Variants in FAF1 observed in about 807,000 individuals in gnomAD.
The protein encoded by FAF1 is Fas associated factor 1.
FAF1 carries 25 observed loss-of-function variants against 92.5 expected under a neutral mutation model. That is an observed-to-expected ratio of 0.27 (90% CI 0.20 to 0.38). The LOEUF is 0.38. Ranked by LOEUF, FAF1 falls within the 10% of genes least tolerant of loss-of-function variation. The pLI, the probability that FAF1 is intolerant of heterozygous loss-of-function variation, is 1.00. For synonymous variants in FAF1, 234 were observed against 273.2 expected (o/e 0.86, Z 1.42); for missense variants, 636 against 793.3 (o/e 0.80, Z 2.38).
chr1:50,587,046 A>T (rs991073951), intron 9 of FAF1, among the ~76,000 whole-genome samples: 1 of 152,176 alleles, frequency 6.6e-6, no homozygotes, highest in Non-Finnish European at 1.5e-5. Context: ...CCTTTGAGGC[A>T]TCAGGTTAAG....
At chr1:50,662,644 A>G (rs1229547768) in intron 7 of FAF1, among the ~76,000 whole-genome samples, 3 of 150,604 alleles carry the variant, frequency 2.0e-5, no homozygotes, top group African/African-American at 7.3e-5. Context: ...ATTTAAAGTA[A>G]CAACTAATAA....
intron 1 of FAF1, among the ~76,000 whole-genome samples, chr1:50,894,837 G>A (rs1366534299): frequency 6.6e-6 from 1 of 152,100 alleles, no homozygotes; most frequent in Non-Finnish European, 1.5e-5. Context: ...TAAAAACACA[G>A]CATGCCATGC....
chr1:50,832,422 G>C (rs1644162761), intron 2 of FAF1, among the ~76,000 whole-genome samples: 1 of 152,172 alleles, frequency 6.6e-6, no homozygotes, highest in Non-Finnish European at 1.5e-5. Context: ...CTTTGATAAA[G>C]AAAGATTTCT....
At chr1:50,740,596 T>G (rs1366822421) in intron 5 of FAF1, among the ~76,000 whole-genome samples, 1 of 152,190 alleles carries the variant, frequency 6.6e-6, no homozygotes, top group African/African-American at 2.4e-5. Flanking sequence ...TTTTTTCATT[T>G]CTTTCTTCTT....
chr1:50,498,935 A>C (rs983636974), intron 15 of FAF1, among the ~76,000 whole-genome samples: 69 of 152,208 alleles, frequency 4.5e-4, no homozygotes, highest in African/African-American at 1.7e-3. Flanking sequence ...AGGCATGTTC[A>C]TAGTAGCATT....
intron 2 of FAF1, among the ~76,000 whole-genome samples, chr1:50,848,427 A>G (rs1283228183): frequency 3.3e-5 from 5 of 152,266 alleles, no homozygotes; most frequent in Non-Finnish European, 5.9e-5. Context: ...ACTACTAAAA[A>G]TAATTTTAAG....
chr1:50,522,593 T>C (rs1273894803), intron 15 of FAF1, among the ~76,000 whole-genome samples: 1 of 152,192 alleles, frequency 6.6e-6, no homozygotes, highest in African/African-American at 2.4e-5. Flanking sequence ...TTAAAGTTCA[T>C]GAAGGCAGAG....
intron 2 of FAF1, among the ~76,000 whole-genome samples, chr1:50,838,702 T>C (rs1356136388): frequency 6.6e-6 from 1 of 151,940 alleles, no homozygotes; most frequent in African/African-American, 2.4e-5. Flanking sequence ...TTCTAAATAA[T>C]GTAATTTTCT....
At chr1:50,956,134 G>T (rs1001792494) in intron 1 of FAF1, among the ~76,000 whole-genome samples, 3 of 152,128 alleles carry the variant, frequency 2.0e-5, no homozygotes, top group Non-Finnish European at 4.4e-5. Flanking sequence ...CTTTAAAATG[G>T]CTAAAATGGT....
chr1:50,565,294 G>A (rs1163518894), intron 13 of FAF1, among the ~76,000 whole-genome samples: 1 of 151,932 alleles, frequency 6.6e-6, no homozygotes, highest in Non-Finnish European at 1.5e-5. Context: ...ATTCCTAGAT[G>A]TTCCTATTTT....
intron 8 of FAF1, among the ~76,000 whole-genome samples, chr1:50,632,125 T>A (rs1653817734): frequency 6.6e-6 from 1 of 152,158 alleles, no homozygotes; most frequent in Non-Finnish European, 1.5e-5. Context: ...GACTGATGAT[T>A]AAGTTAACAA....
At chr1:50,821,844 G>T (rs906114348) in intron 2 of FAF1, among the ~76,000 whole-genome samples, 1 of 151,900 alleles carries the variant, frequency 6.6e-6, no homozygotes, top group African/African-American at 2.4e-5. Flanking sequence ...AATTTTTGAA[G>T]GCAAAGAATG....
chr1:50,826,550 C>CAA (rs551210493), intron 2 of FAF1, among the ~76,000 whole-genome samples: 13 of 80,220 alleles, frequency 1.6e-4, no homozygotes, highest in South Asian at 4.2e-4. Context: ...GACTCCGTCT[C>CAA]AAAAAAAAAA....
intron 8 of FAF1, among the ~76,000 whole-genome samples, chr1:50,600,991 T>C (rs974492236): frequency 6.6e-6 from 1 of 152,186 alleles, no homozygotes; most frequent in African/African-American, 2.4e-5. Context: ...GATGATTTCT[T>C]TACAAGTGCA....
At chr1:50,836,645 C>A (rs942342816) in intron 2 of FAF1, among the ~76,000 whole-genome samples, 8 of 152,176 alleles carry the variant, frequency 5.3e-5, no homozygotes, top group African/African-American at 1.7e-4. Context: ...AGTTTACTTT[C>A]ATCCTTTCTG....
chr1:50,470,583 T>C (rs1646559120), intron 18 of FAF1, among the ~76,000 whole-genome samples: 1 of 152,228 alleles, frequency 6.6e-6, no homozygotes, highest in Non-Finnish European at 1.5e-5. Context: ...ACATTTTCTT[T>C]AACTGTAAGC....
intron 4 of FAF1, among the ~76,000 whole-genome samples, chr1:50,771,913 C>T (rs968158608): frequency 4.6e-5 from 7 of 152,034 alleles, no homozygotes; most frequent in Admixed American, 1.3e-4. Flanking sequence ...AAAAAACAAA[C>T]AAACAAACAA....
chr1:50,586,604 C>A (rs1289239662), intron 9 of FAF1, among the ~76,000 whole-genome samples: 1 of 152,148 alleles, frequency 6.6e-6, no homozygotes, highest in Non-Finnish European at 1.5e-5. Flanking sequence ...GAAGCATTTA[C>A]CTGCCATCTT....
chr1:50,752,724 C>T (rs1433376166), intron 4 of FAF1, among the ~76,000 whole-genome samples: 1 of 151,912 alleles, frequency 6.6e-6, no homozygotes, highest in Non-Finnish European at 1.5e-5. Flanking sequence ...ATTTTGTCAC[C>T]CAGGCTGGAG....
Sources: allele counts gnomAD v4.1 joint callset (sites outside exome capture counted in the v4.1 genomes callset), GRCh38; gene constraint gnomAD v4.1.1; transcripts MANE v1.5; gene names NCBI Gene and HGNC (gene_info 2026-07-23, HGNC 2026-07-21).